The following RAF1 variants were observed in gnomAD, a reference collection of about 807,000 sequenced individuals.
RAF1 encodes the protein RAF proto-oncogene serine/threonine-protein kinase.
A neutral mutation model predicts 81.1 loss-of-function variants in RAF1; 27 were observed. The ratio of observed to expected loss-of-function variants is 0.33; its 90% CI spans 0.25 to 0.46. The LOEUF (loss-of-function observed/expected upper bound fraction) is 0.46. Among genes scored for constraint, RAF1 ranks in the 20% least tolerant of loss-of-function variants. The pLI, the probability that RAF1 is intolerant of heterozygous loss-of-function variation, is 1.00. For missense variants in RAF1, 598 were observed against 826.0 expected (o/e 0.72, Z 3.38); for synonymous variants, 298 against 294.0 (o/e 1.01, Z -0.14).
intron 1 of RAF1, among the ~76,000 whole-genome samples, chr3:12,619,407 T>C (rs1451720784): frequency 6.6e-6 from 1 of 151,246 alleles, no homozygotes; most frequent in Non-Finnish European, 1.5e-5. Context: ...CTACTTAAAA[T>C]ACAAAAATTA....
chr3:12,653,511 C>A (rs1201344506), intron 1 of RAF1, among the ~76,000 whole-genome samples: 2 of 151,944 alleles, frequency 1.3e-5, no homozygotes, highest in African/African-American at 4.8e-5. Flanking sequence ...TTTGGGAGGC[C>A]GAGCTGGTGG....
chr3:12,617,785 TGGGAGGCTGA>T (rs943507464), intron 2 of RAF1, among the ~76,000 whole-genome samples: 7 of 145,462 alleles, frequency 4.8e-5, no homozygotes, highest in Non-Finnish European at 1.0e-4. Flanking sequence ...CCCAGCTATT[TGGGAGGCTGA>T]GGCAGGAGAA....
chr3:12,592,044 C>CT, intron 11 of RAF1: 6 of 541,802 alleles, frequency 1.1e-5, no homozygotes, highest in Non-Finnish European at 1.7e-5. Context: ...TCCCAAAGTG[C>CT]TGGGATTATA....
At chr3:12,638,904 T>C (rs56363132) in intron 1 of RAF1, among the ~76,000 whole-genome samples, 32,169 of 152,054 alleles carry the variant, frequency 0.21, 3,659 homozygotes, top group African/African-American at 0.29. Flanking sequence ...TAAACATACA[T>C]AAGGTCATGT....
intron 14 of RAF1, among the ~76,000 whole-genome samples, chr3:12,586,543 C>T (rs1315904278): frequency 6.6e-6 from 1 of 152,138 alleles, no homozygotes; most frequent in African/African-American, 2.4e-5. Context: ...CTAAAAACCC[C>T]ACCACTGAAA....
At chr3:12,614,447 T>A (rs908918513) in intron 2 of RAF1, among the ~76,000 whole-genome samples, 6 of 152,004 alleles carry the variant, frequency 3.9e-5, no homozygotes, top group Non-Finnish European at 8.8e-5. Flanking sequence ...ATATTATATA[T>A]ACTGAGACAG....
chr3:12,652,940 C>CA (rs548744822), intron 1 of RAF1, among the ~76,000 whole-genome samples: 19 of 146,548 alleles, frequency 1.3e-4, no homozygotes, highest in African/African-American at 3.9e-4. Context: ...GACTCCATCT[C>CA]AAAAAAAAAA....
At chr3:12,608,098 T>C (rs780739655) in intron 5 of RAF1, among the ~76,000 whole-genome samples, 81 of 151,984 alleles carry the variant, frequency 5.3e-4, no homozygotes, top group Non-Finnish European at 9.0e-4. Context: ...GGTCTAATAA[T>C]AACACTCCCT....
rs147371975 is a variant in RAF1 at position 12,634,951 on chromosome 3, T to C, written c.-26-16204A>G. ...TGGTTTACAAAATGATTATAAGAGA[T>C]ATGTATACAAGATATAAACTAAAAC... is the stretch of plus-strand genomic sequence containing the variant. On this transcript the variant is annotated intron_variant, in intron 1 of 17. Transcript: ENST00000442415. Among the ~76,000 whole-genome samples, 831 of 152,210 alleles carry C rather than the reference T, an allele frequency of 5.5e-3. 4 individuals carry two copies. The highest frequency in any genetic ancestry group is 0.015 in the African/African-American group (633 of 41,564).
In RAF1 at chr3:12,663,799, G is replaced by C. The variant is rs1254253759; in HGVS notation, c.-27+14C>G. 1 of 396,900 alleles carries C rather than the reference G, an allele frequency of 2.5e-6. No individual in the cohort carries two copies. Among genetic ancestry groups the C allele is most frequent in the African/African-American group, 2.1e-5 (1 of 48,578 alleles). The allele number at this position is 396,900 out of a possible 1,614,324, so 24.6% of individuals were successfully genotyped here. A position where few individuals can be genotyped will look rare whatever the true frequency, so the allele number is the denominator to read the frequency against. ...CGGCTCCCCCGGCATCCACGACCCG[G>C]TCCTGCCACCTACCTGAGGGAGCCA... On this transcript the variant is annotated intron_variant, in intron 1 of 17. Transcript: ENST00000442415.
At chr3:12,602,065 C>G (rs1228198364) in intron 8 of RAF1, among the ~76,000 whole-genome samples, 2 of 152,122 alleles carry the variant, frequency 1.3e-5, no homozygotes, top group Non-Finnish European at 2.9e-5. Flanking sequence ...CAATTATATT[C>G]CTATGTAGCA....
chr3:12,656,029 A>C (rs1236392050), intron 1 of RAF1, among the ~76,000 whole-genome samples: 10 of 150,686 alleles, frequency 6.6e-5, no homozygotes, highest in Non-Finnish European at 1.2e-4. Flanking sequence ...AATGTTGTTA[A>C]ATGTCACTGG....
intron 3 of RAF1, among the ~76,000 whole-genome samples, chr3:12,609,670 A>T (rs1324908640): frequency 1.3e-5 from 2 of 152,138 alleles, no homozygotes; most frequent in Non-Finnish European, 2.9e-5. Flanking sequence ...TGGTAGAGAG[A>T]GAGTCTTGCT....
intron 1 of RAF1, among the ~76,000 whole-genome samples, chr3:12,628,751 T>TGG (rs35539372): frequency 0.028 from 2,292 of 82,138 alleles, 137 homozygotes; most frequent in South Asian, 0.056. Flanking sequence ...AGACTATTTT[T>TGG]GGGGGGGGGG....
chr3:12,617,878 CAAA>C (rs1263362287), intron 2 of RAF1, among the ~76,000 whole-genome samples: 1 of 90,102 alleles, frequency 1.1e-5, no homozygotes, highest in African/African-American at 5.0e-5. Flanking sequence ...GAATCCGTCT[CAAA>C]AAAAAAAAAA....
intron 11 of RAF1, chr3:12,599,035 G>A (rs1377036795): frequency 1.3e-5 from 2 of 152,432 alleles, no homozygotes; most frequent in Admixed American, 6.5e-5. Flanking sequence ...AAACCTAACA[G>A]AGAAATGCTA....
At chr3:12,611,211 G>GT (rs2059196825) in intron 3 of RAF1, among the ~76,000 whole-genome samples, 2 of 151,772 alleles carry the variant, frequency 1.3e-5, no homozygotes, top group African/African-American at 2.4e-5. Context: ...GTTTGTTTTT[G>GT]TTTTTTTGTT....
intron 1 of RAF1, among the ~76,000 whole-genome samples, chr3:12,639,264 C>T (rs1201288710): frequency 1.3e-5 from 2 of 152,148 alleles, no homozygotes; most frequent in African/African-American, 4.8e-5. Flanking sequence ...CAGCCAATAT[C>T]ATACTGAATG....
intron 1 of RAF1, among the ~76,000 whole-genome samples, chr3:12,634,510 T>C (rs2059961513): frequency 6.6e-6 from 1 of 152,026 alleles, no homozygotes; most frequent in Non-Finnish European, 1.5e-5. Flanking sequence ...ACTTAGGATA[T>C]AGGAAACGGG....
Sources: gnomAD v4.1 joint callset for allele counts (sites outside exome capture counted in the v4.1 genomes callset) on GRCh38, gnomAD v4.1.1 for gene constraint, MANE v1.5 for transcripts, NCBI Gene and HGNC (gene_info 2026-07-23, HGNC 2026-07-21) for gene names.